The following SFXN5 variants were observed in gnomAD, a reference collection of about 807,000 sequenced individuals.
SFXN5 encodes the protein sideroflexin-5.
Under a neutral mutation model 50.2 loss-of-function variants are expected in SFXN5, and 43 were observed. The ratio of observed to expected loss-of-function variants is 0.86; its 90% CI spans 0.67 to 1.11. The LOEUF (loss-of-function observed/expected upper bound fraction) is 1.11. SFXN5 is among the 50% of genes least tolerant of loss of function. SFXN5 has a pLI of 0.00. For synonymous variants in SFXN5, 203 were observed against 185.8 expected (o/e 1.09, Z -0.75); for missense variants, 463 against 454.1 (o/e 1.02, Z -0.18).
intron 13 of SFXN5, among the ~76,000 whole-genome samples, chr2:72,947,707 C>T (rs752295287): frequency 7.2e-5 from 11 of 152,138 alleles, no homozygotes; most frequent in South Asian, 2.1e-4. Flanking sequence ...CCTCTGTAGT[C>T]GCTGGTACCC....
chr2:73,055,527 C>A (rs984027501), intron 2 of SFXN5, among the ~76,000 whole-genome samples: 2 of 151,858 alleles, frequency 1.3e-5, no homozygotes, highest in African/African-American at 2.4e-5. Flanking sequence ...TTAGGCCGGG[C>A]ACGGTGACTC....
intron 2 of SFXN5, among the ~76,000 whole-genome samples, chr2:73,047,344 C>CATATATATGTGTATATATGT (rs1559200508): frequency 1.0e-5 from 1 of 100,258 alleles, no homozygotes; most frequent in Admixed American, 1.2e-4. Flanking sequence ...TATATATGTA[C>CATATATATGTGTATATATGT]ATATATATGT....
chr2:72,943,184 G>A lies in SFXN5; in HGVS notation c.*1838C>T, dbSNP rs1192635967. On this transcript the variant is annotated 3_prime_UTR_variant, in exon 14 of 14. Coordinates refer to ENST00000272433, the MANE Select transcript of SFXN5 (RefSeq NM_144579.3). ...CTCAGGAGAGTGGCAGGCCCCTCAGGGCAATGTGCTGCAGAGCCAGCTGGT... is the reference window on the plus strand; with the variant it reads ...CTCAGGAGAGTGGCAGGCCCCTCAGAGCAATGTGCTGCAGAGCCAGCTGGT... The A allele has an allele frequency of 6.6e-6, 1 of 152,246 alleles. No homozygotes were observed. The highest frequency in any genetic ancestry group is 1.5e-5 in the Non-Finnish European group (1 of 68,068). 9.4% of individuals were successfully genotyped at this position (152,246 alleles called of 1,614,324 possible). A position where few individuals can be genotyped will look rare whatever the true frequency, so the allele number is the denominator to read the frequency against.
chr2:73,032,761 G>A (rs1678476656), intron 3 of SFXN5, among the ~76,000 whole-genome samples: 1 of 152,162 alleles, frequency 6.6e-6, no homozygotes, highest in African/African-American at 2.4e-5. Flanking sequence ...CCTCCAGAAG[G>A]TAATTAAACA....
At position 72,990,754 on chromosome 2, in the gene SFXN5, G is replaced by C. The variant is rs111400166; in HGVS notation, c.535-2406C>G. Among the ~76,000 whole-genome samples, 889 of 152,328 alleles carry C rather than the reference G, an allele frequency of 5.8e-3. 3 individuals are homozygous for C. The highest frequency in any genetic ancestry group is 9.5e-3 in the South Asian group (46 of 4,824). On this transcript the variant is annotated intron_variant, in intron 9 of 13. Coordinates refer to ENST00000272433, the MANE Select transcript of SFXN5 (RefSeq NM_144579.3). Reference sequence around the variant, plus strand: ...CAGGGCCTGCTAATTCCAAAGCCTTGCTCCTAACCAGGGTGCTATGACTTT... The same window carrying C: ...CAGGGCCTGCTAATTCCAAAGCCTTCCTCCTAACCAGGGTGCTATGACTTT...
chr2:72,952,470 G>C (rs1435662727), intron 13 of SFXN5, among the ~76,000 whole-genome samples: 1 of 152,200 alleles, frequency 6.6e-6, no homozygotes, highest in East Asian at 1.9e-4. Flanking sequence ...CCTATGCCTT[G>C]TGCACAGTAG....
intron 2 of SFXN5, among the ~76,000 whole-genome samples, chr2:73,043,201 C>T (rs558042559): frequency 6.6e-5 from 10 of 152,366 alleles, no homozygotes; most frequent in Non-Finnish European, 1.3e-4. Flanking sequence ...GGGGAAGAAA[C>T]CCAGCGAAGC....
intron 8 of SFXN5, among the ~76,000 whole-genome samples, chr2:72,999,847 G>A (rs1409706933): frequency 6.6e-6 from 1 of 152,010 alleles, no homozygotes; most frequent in Non-Finnish European, 1.5e-5. Flanking sequence ...TTGGGGAGAG[G>A]TGGCCTTGCC....
intron 3 of SFXN5, among the ~76,000 whole-genome samples, chr2:73,038,906 G>A (rs1034960102): frequency 3.3e-5 from 5 of 152,020 alleles, no homozygotes; most frequent in Non-Finnish European, 5.9e-5. Flanking sequence ...GACATCTCCA[G>A]GCAACAGGAA....
chr2:72,964,480 G>A (rs1674139292), intron 12 of SFXN5, among the ~76,000 whole-genome samples: 1 of 152,244 alleles, frequency 6.6e-6, no homozygotes, highest in African/African-American at 2.4e-5. Context: ...CATTTTCCAG[G>A]TGGGAAACTG....
intron 13 of SFXN5, among the ~76,000 whole-genome samples, chr2:72,946,886 G>A (rs985092995): frequency 2.0e-5 from 3 of 152,104 alleles, no homozygotes; most frequent in African/African-American, 4.8e-5. Flanking sequence ...AGACTCCCGC[G>A]CCACCCTGCT....
intron 6 of SFXN5, among the ~76,000 whole-genome samples, chr2:73,012,495 G>A (rs1167580706): frequency 1.3e-5 from 2 of 151,496 alleles, no homozygotes; most frequent in African/African-American, 2.4e-5. Flanking sequence ...CGATTCCAGG[G>A]GAAGGGGGAA....
intron 3 of SFXN5, among the ~76,000 whole-genome samples, chr2:73,023,975 C>A (rs991630431): frequency 2.0e-5 from 3 of 152,184 alleles, no homozygotes; most frequent in Non-Finnish European, 4.4e-5. Flanking sequence ...CACCACTGAT[C>A]CTAAGATATA....
At position 73,023,174 on chromosome 2, in the gene SFXN5, C is replaced by A. The variant is rs772374199; in HGVS notation, c.276+14G>T. ...AACACGGAGAAGGAAATAGAGAATC[C>A]AAAACTGGATTACCTGCTTGATTTT... On this transcript the variant is annotated intron_variant, in intron 4 of 13. Coordinates refer to ENST00000272433, the MANE Select transcript of SFXN5 (RefSeq NM_144579.3). 1.7e-4 allele frequency: 271 copies of A among 1,601,334 alleles called. No individual in the cohort carries two copies. The highest frequency in any genetic ancestry group is 2.1e-4 in the Non-Finnish European group (250 of 1,173,310).
At chr2:73,038,671 T>C (rs900485604) in intron 3 of SFXN5, among the ~76,000 whole-genome samples, 3 of 152,200 alleles carry the variant, frequency 2.0e-5, no homozygotes, top group African/African-American at 7.2e-5. Context: ...GCTTACTGTA[T>C]ATTTTTTACT....
intron 6 of SFXN5, among the ~76,000 whole-genome samples, chr2:73,014,218 T>C (rs1454111525): frequency 6.6e-6 from 1 of 152,222 alleles, no homozygotes; most frequent in Non-Finnish European, 1.5e-5. Context: ...TTTCTTTTCA[T>C]ATTTAAATGT....
At chr2:72,967,584 G>A (rs976202990) in intron 12 of SFXN5, among the ~76,000 whole-genome samples, 2 of 152,104 alleles carry the variant, frequency 1.3e-5, no homozygotes, top group African/African-American at 4.8e-5. Context: ...CCCAAACAGG[G>A]AAGAATCCTT....
At position 72,961,056 on chromosome 2, in the gene SFXN5, G is replaced by A. The variant is rs1180515153; in HGVS notation, c.945+75C>T. ...TAGCATGGCGCTAAGGAGTCGGCAC[G>A]GTATGAGTATTTGTTCAGAAATCAC... On this transcript the variant is annotated intron_variant, in intron 13 of 13. Coordinates refer to ENST00000272433, the MANE Select transcript of SFXN5 (RefSeq NM_144579.3). The surrounding 1 kb of genome is among the most constrained non-coding windows in gnomAD (Gnocchi z 4.4). 1.7e-5 allele frequency: 18 copies of A among 1,082,936 alleles called. 1 individual carries two copies. The highest frequency in any genetic ancestry group is 4.2e-4 in the Middle Eastern group (2 of 4,808). The allele number at this position is 1,082,936 out of a possible 1,614,324, so 67.1% of individuals were successfully genotyped here. A position where few individuals can be genotyped will look rare whatever the true frequency, so the allele number is the denominator to read the frequency against.
intron 10 of SFXN5, among the ~76,000 whole-genome samples, chr2:72,972,757 T>C (rs1179249068): frequency 2.6e-5 from 4 of 152,220 alleles, no homozygotes; most frequent in African/African-American, 9.6e-5. Flanking sequence ...CCAAAGCGCC[T>C]TGCTGTGTTT....
Sources: allele counts gnomAD v4.1 joint callset (sites outside exome capture counted in the v4.1 genomes callset), GRCh38; gene constraint gnomAD v4.1.1; non-coding constraint Gnocchi (gnomAD v3.1); transcripts MANE v1.5; gene names NCBI Gene and HGNC (gene_info 2026-07-23, HGNC 2026-07-21).